CA10: variants seen among roughly 807,000 people sequenced by gnomAD.
CA10 encodes the protein carbonic anhydrase 10 (inactive), also known as carbonic anhydrase-related protein 10.
A neutral mutation model predicts 44.2 loss-of-function variants in CA10; 14 were observed. That is an observed-to-expected ratio of 0.32 (90% CI 0.21 to 0.50). The LOEUF (loss-of-function observed/expected upper bound fraction) is 0.50, where lower values mean the gene tolerates loss of function less well. Ranked by LOEUF, CA10 falls within the 20% of genes least tolerant of loss-of-function variation. The pLI is 0.99. For missense variants in CA10, 350 were observed against 409.7 expected (o/e 0.85, Z 1.26); for synonymous variants, 159 against 141.6 (o/e 1.12, Z -0.87).
At chr17:52,037,920 C>T (rs1017317527) in intron 2 of CA10, among the ~76,000 whole-genome samples, 2 of 152,098 alleles carry the variant, frequency 1.3e-5, no homozygotes, top group Non-Finnish European at 2.9e-5. Context: ...CTACTATCCT[C>T]TGGCCCAAAA....
chr17:51,920,789 T>C (rs1982199846), intron 3 of CA10, among the ~76,000 whole-genome samples: 2 of 152,224 alleles, frequency 1.3e-5, no homozygotes. Flanking sequence ...TCTTAGACTT[T>C]CACATTTTGC....
intron 1 of CA10, among the ~76,000 whole-genome samples, chr17:52,101,871 A>G (rs2143250568): frequency 6.6e-6 from 1 of 152,294 alleles, no homozygotes; most frequent in Non-Finnish European, 1.5e-5. Flanking sequence ...TAAATAATGA[A>G]CACCTAAATT....
chr17:51,653,391 T>C (rs1296585736), intron 5 of CA10, among the ~76,000 whole-genome samples: 1 of 152,184 alleles, frequency 6.6e-6, no homozygotes, highest in Non-Finnish European at 1.5e-5. Context: ...AGCCCCCTTT[T>C]TCTTTCTAGG....
chr17:51,810,033 G>A (rs1217570580), intron 3 of CA10, among the ~76,000 whole-genome samples: 3 of 152,038 alleles, frequency 2.0e-5, no homozygotes, highest in Non-Finnish European at 4.4e-5. Context: ...CCAAAACATG[G>A]GACAGAATGC....
chr17:52,042,312 G>A (rs1986793033), intron 2 of CA10, among the ~76,000 whole-genome samples: 1 of 151,842 alleles, frequency 6.6e-6, no homozygotes, highest in South Asian at 2.1e-4. Context: ...GTGATGCCTT[G>A]TGGTTTTAAT....
At chr17:52,063,540 C>T (rs1178514015) in intron 2 of CA10, among the ~76,000 whole-genome samples, 1 of 152,124 alleles carries the variant, frequency 6.6e-6, no homozygotes, top group Non-Finnish European at 1.5e-5. Flanking sequence ...CTTGGTACCA[C>T]CTTTATAGTA....
chr17:52,159,192 A>T (rs907233859), upstream of CA10: 8 of 151,994 alleles, frequency 5.3e-5, no homozygotes, highest in Non-Finnish European at 1.0e-4. Context: ...TGCATAATTC[A>T]TTCCCTGCCC....
intron 3 of CA10, among the ~76,000 whole-genome samples, chr17:51,803,520 C>T (rs956775065): frequency 2.2e-5 from 3 of 134,558 alleles, no homozygotes; most frequent in African/African-American, 7.3e-5. Flanking sequence ...ATTTTGAAAT[C>T]ATGGAAAACT....
intron 2 of CA10, among the ~76,000 whole-genome samples, chr17:52,006,638 T>C (rs1985608238): frequency 6.6e-6 from 1 of 151,872 alleles, no homozygotes; most frequent in Non-Finnish European, 1.5e-5. Flanking sequence ...CATTTGAGTT[T>C]TAAAAAGTTT....
chr17:52,142,896 C>T (rs1269673167), intron 1 of CA10, among the ~76,000 whole-genome samples: 1 of 152,168 alleles, frequency 6.6e-6, no homozygotes, highest in Non-Finnish European at 1.5e-5. Context: ...TTAAATGCAG[C>T]TCTTAATCAT....
intron 2 of CA10, among the ~76,000 whole-genome samples, chr17:52,005,844 C>T (rs970985342): frequency 1.3e-5 from 2 of 151,744 alleles, no homozygotes; most frequent in African/African-American, 2.4e-5. Context: ...GGCCATAAAC[C>T]AGATTTGCTT....
chr17:51,868,459 G>T (rs1230672014), intron 3 of CA10, among the ~76,000 whole-genome samples: 1 of 152,098 alleles, frequency 6.6e-6, no homozygotes, highest in Non-Finnish European at 1.5e-5. Context: ...CCCAGTAAAA[G>T]GCACTCAGTG....
chr17:51,886,791 GGAA>G (rs1358847053), intron 3 of CA10, among the ~76,000 whole-genome samples: 1 of 152,176 alleles, frequency 6.6e-6, no homozygotes, highest in Non-Finnish European at 1.5e-5. Context: ...AAAAGGCAAA[GGAA>G]GAGTGAATTT....
chr17:51,947,224 CAAAAAAAAAAA>C (rs1198796736), intron 2 of CA10, among the ~76,000 whole-genome samples: 2 of 52,118 alleles, frequency 3.8e-5, no homozygotes, highest in African/African-American at 1.5e-4. Context: ...TCTTCATGTG[CAAAAAAAAAAA>C]AAAAAAAAAA....
intron 3 of CA10, among the ~76,000 whole-genome samples, chr17:51,924,990 G>C (rs1035280013): frequency 1.3e-5 from 2 of 152,164 alleles, no homozygotes; most frequent in Non-Finnish European, 2.9e-5. Context: ...GCTTCTTTGA[G>C]ATAACCAATG....
chr17:51,839,168 C>T (rs1978298708), intron 3 of CA10, among the ~76,000 whole-genome samples: 1 of 152,140 alleles, frequency 6.6e-6, no homozygotes, highest in Non-Finnish European at 1.5e-5. Flanking sequence ...TCCAGTGCTT[C>T]CCTACCATGT....
intron 4 of CA10, among the ~76,000 whole-genome samples, chr17:51,653,975 C>T (rs1470834563): frequency 6.6e-6 from 1 of 152,236 alleles, no homozygotes; most frequent in African/African-American, 2.4e-5. Context: ...GCATGCTTTT[C>T]ATAAGCTCAG....
At chr17:51,751,806 G>T (rs1904900048) in intron 3 of CA10, among the ~76,000 whole-genome samples, 1 of 152,148 alleles carries the variant, frequency 6.6e-6, no homozygotes, top group African/African-American at 2.4e-5. Context: ...ACACCAATGT[G>T]CCTTCTAGTT....
intron 3 of CA10, among the ~76,000 whole-genome samples, chr17:51,913,134 G>T (rs1033239393): frequency 6.6e-6 from 1 of 152,178 alleles, no homozygotes; most frequent in Non-Finnish European, 1.5e-5. Flanking sequence ...TGCACAGGGA[G>T]TTAAGTCGGA....
Sources: allele counts gnomAD v4.1 joint callset (sites outside exome capture counted in the v4.1 genomes callset), GRCh38; gene constraint gnomAD v4.1.1; transcripts MANE v1.5; gene names NCBI Gene and HGNC (gene_info 2026-07-23, HGNC 2026-07-21).